Variants in GNE observed in about 807,000 individuals in gnomAD.
GNE encodes the protein bifunctional UDP-N-acetylglucosamine 2-epimerase/N-acetylmannosamine kinase.
In GNE, 41 loss-of-function variants were observed where a neutral mutation model predicts 61.8. The observed-to-expected ratio is 0.66, with a 90% CI of 0.52 to 0.86. The LOEUF is 0.86. Among genes scored for constraint, GNE ranks in the 40% least tolerant of loss-of-function variants. The probability of loss-of-function intolerance (pLI) is 0.00; values close to 1 mark genes in which losing one functional copy is unlikely to be tolerated. For synonymous variants in GNE, 264 were observed against 326.4 expected, an observed-to-expected ratio of 0.81 and a Z score of 2.06; for missense variants, 608 against 909.1, an observed-to-expected ratio of 0.67 and a Z score of 4.26.
At chr9:36,256,905 C>G (rs557823848) in intron 1 of GNE, among the ~76,000 whole-genome samples, 80 of 152,194 alleles carry the variant, frequency 5.3e-4, no homozygotes, top group Non-Finnish European at 8.7e-4. Flanking sequence ...CCCCAAATCA[C>G]TGTTTAATAG....
intron 1 of GNE, among the ~76,000 whole-genome samples, chr9:36,273,406 G>A (rs1042484612): frequency 2.6e-5 from 4 of 151,390 alleles, no homozygotes; most frequent in Admixed American, 6.6e-5. Context: ...TAGTAGAGAC[G>A]GGGTTTCGAC....
At chr9:36,270,003 C>A (rs1311059824) in intron 1 of GNE, among the ~76,000 whole-genome samples, 3 of 152,044 alleles carry the variant, frequency 2.0e-5, no homozygotes, top group Non-Finnish European at 4.4e-5. Flanking sequence ...GCTCTCTAGC[C>A]CAGCTTGTAG....
chr9:36,245,464 C>G (rs1196131812), intron 3 of GNE, among the ~76,000 whole-genome samples: 4 of 151,874 alleles, frequency 2.6e-5, no homozygotes, highest in African/African-American at 9.7e-5. Context: ...GTGGGCGGAT[C>G]ACTTGAGGTC....
intron 4 of GNE, among the ~76,000 whole-genome samples, chr9:36,236,466 C>G (rs1829397794): frequency 6.6e-6 from 1 of 152,190 alleles, no homozygotes; most frequent in Non-Finnish European, 1.5e-5. Flanking sequence ...TCCCAAAGTG[C>G]TGGGATTACA....
In GNE at chr9:36,249,309, G is replaced by A; in HGVS notation, c.47C>T (p.Thr16Ile). Residue 16 changes from threonine (T) to isoleucine (I), a missense_variant, in exon 2 of 12, where the codon ACT (threonine) becomes ATT (isoleucine). By Grantham distance (89) the Thr-to-Ile change is moderately conservative. Transcript: ENST00000642385. ...TTTAGAATAATCTGCACGGTTACAAGTAGCAACACAAACCCGCAGCTTTCG... is the reference window on the plus strand; with the variant it reads ...TTTAGAATAATCTGCACGGTTACAAATAGCAACACAAACCCGCAGCTTTCG... ...NNRKLRVCVA[T>I]CNRADYSKLA... is the part of the protein sequence containing the mutation. 2 of 1,613,896 alleles carry A rather than the reference G, an allele frequency of 1.2e-6. No homozygotes were observed. Among genetic ancestry groups the A allele is most frequent in the Non-Finnish European group, 1.7e-6 (2 of 1,179,780 alleles).
intron 4 of GNE, among the ~76,000 whole-genome samples, chr9:36,236,242 T>C (rs376625103): frequency 2.8e-4 from 43 of 152,200 alleles, no homozygotes; most frequent in African/African-American, 1.0e-3. Flanking sequence ...ACTCTGTCAC[T>C]GAGACTAGTG....
chr9:36,264,263 A>G (rs1830696224), intron 1 of GNE, among the ~76,000 whole-genome samples: 1 of 151,868 alleles, frequency 6.6e-6, no homozygotes, highest in Non-Finnish European at 1.5e-5. Flanking sequence ...TTCCCAAGTA[A>G]TTGGGACTAC....
chr9:36,236,562 A>C (rs1186644614), intron 4 of GNE, among the ~76,000 whole-genome samples: 1 of 152,218 alleles, frequency 6.6e-6, no homozygotes, highest in East Asian at 1.9e-4. Flanking sequence ...AACTGGTGGA[A>C]ACTGGAGGGA....
At chr9:36,265,198 C>T (rs758963017) in intron 1 of GNE, 11 of 337,442 alleles carry the variant, frequency 3.3e-5, no homozygotes, top group African/African-American at 1.7e-4. Context: ...GAACACTAGT[C>T]GCTGGGTTCT....
chr9:36,275,854 C>G (rs1013494562), intron 1 of GNE, among the ~76,000 whole-genome samples: 2 of 152,098 alleles, frequency 1.3e-5, no homozygotes, highest in African/African-American at 4.8e-5. Context: ...GCAATAATTG[C>G]AGGAATAATA....
chr9:36,264,674 CTA>C (rs773090629), intron 1 of GNE, among the ~76,000 whole-genome samples: 144 of 152,238 alleles, frequency 9.5e-4, no homozygotes, highest in Non-Finnish European at 4.9e-4. Flanking sequence ...ATCCCTAGGC[CTA>C]GTTAGGAAGG....
rs1390610132 is a variant in GNE, at chr9:36,214,656, A to G, written c.*2709T>C. On this transcript the variant is annotated 3_prime_UTR_variant, in exon 12 of 12. Coordinates refer to ENST00000642385, the MANE Select transcript of GNE (RefSeq NM_005476.7). ...ATATTTGGTATGAAACTTGGTAGCA[A>G]TGCAATTGTCTGATGTACAGAGCAG... 2 of 152,320 alleles carry G rather than the reference A, an allele frequency of 1.3e-5. No homozygotes were observed. Among genetic ancestry groups the G allele is most frequent in the East Asian group, 1.9e-4 (1 of 5,188 alleles). The allele number at this position is 152,320 out of a possible 1,614,324, so 9.4% of individuals were successfully genotyped here.
Position 36,246,163 on chromosome 9 carries a change from G to C in GNE, c.484C>G (p.Arg162Gly), listed in dbSNP as rs769215411. 1 of 1,613,540 alleles carries C rather than the reference G, an allele frequency of 6.2e-7. No homozygotes were observed. Among genetic ancestry groups the C allele is most frequent in the Non-Finnish European group, 8.5e-7 (1 of 1,179,426 alleles). Residue 162 changes from arginine (R) to glycine (G), a missense_variant, in exon 3 of 12, where the codon CGC (arginine) becomes GGC (glycine). Transcript: ENST00000642385. ...GATATCAGGTGCTGCTCTGCACTGC[G>C]GGTGCAGCACACATGATAATGAGCC... Reference protein sequence around the residue: ...KLAHYHVCCTRSAEQHLISMC... With the variant: ...KLAHYHVCCTGSAEQHLISMC...
chr9:36,233,788 C>G (rs1184167051), intron 5 of GNE, 132 bp downstream of exon 5: 1 of 787,622 alleles, frequency 1.3e-6, no homozygotes, highest in East Asian at 2.4e-5. Context: ...AGATTTTAGG[C>G]TTCAACTGGT....
chr9:36,268,935 G>T (rs1265116947), intron 1 of GNE, among the ~76,000 whole-genome samples: 2 of 152,164 alleles, frequency 1.3e-5, no homozygotes, highest in East Asian at 3.9e-4. Context: ...TTCAAGACCA[G>T]CCTGGCCAAC....
chr9:36,247,734 A>C (rs1829947824), intron 2 of GNE, among the ~76,000 whole-genome samples: 1 of 151,832 alleles, frequency 6.6e-6, no homozygotes, highest in Non-Finnish European at 1.5e-5. Context: ...TTTTATATTA[A>C]AAAAAAATCT....
intron 3 of GNE, among the ~76,000 whole-genome samples, chr9:36,237,194 T>C (rs573974048): frequency 1.1e-4 from 17 of 152,318 alleles, no homozygotes; most frequent in Non-Finnish European, 2.4e-4. Flanking sequence ...CTTAACATTT[T>C]ACAAAGACAT....
At position 36,222,779 on chromosome 9, in the gene GNE, G is replaced by A; in HGVS notation, c.1631C>T (p.Thr544Ile). ...LENFVTLITG[T>I]GIGGGIIHQH... ...CAACCTCCCCCTACCCCTCTTACCT[G>A]TGCCTGTGATAAGTGTAACAAAGTT... Residue 544 changes from threonine to isoleucine, a missense_variant and splice_region_variant, in exon 9 of 12, where the codon ACA (threonine) becomes ATA (isoleucine). Physicochemically the swap from Thr to Ile is moderately conservative, Grantham distance 89. Transcript: ENST00000642385. 1 of 1,606,496 alleles carries A rather than the reference G, an allele frequency of 6.2e-7. No homozygotes were observed. The highest frequency in any genetic ancestry group is 8.5e-7 in the Non-Finnish European group (1 of 1,173,068).
upstream of GNE, among the ~76,000 whole-genome samples, chr9:36,259,983 A>G (rs149937743): frequency 3.0e-4 from 46 of 152,218 alleles, no homozygotes; most frequent in African/African-American, 1.1e-3. Flanking sequence ...TTTAAATCAC[A>G]CTGGCTGCTC....
Sources: gnomAD v4.1 joint callset for allele counts (sites outside exome capture counted in the v4.1 genomes callset) on GRCh38, gnomAD v4.1.1 for gene constraint, MANE v1.5 for transcripts, NCBI Gene and HGNC (gene_info 2026-07-23, HGNC 2026-07-21) for gene names.